SRSF4: variants seen among roughly 807,000 people sequenced by gnomAD.
SRSF4 encodes the protein serine and arginine rich splicing factor 4, also known as serine/arginine-rich splicing factor 4.
A neutral mutation model predicts 48.8 loss-of-function variants in SRSF4; 12 were observed. That is an observed-to-expected ratio of 0.25 (90% confidence interval 0.16 to 0.40). The LOEUF is 0.40. Among genes scored for constraint, SRSF4 ranks in the 10% least tolerant of loss-of-function variants. SRSF4 has a pLI of 1.00. For synonymous variants in SRSF4, 248 were observed against 232.5 expected (o/e 1.07, Z -0.61); for missense variants, 466 against 667.1 (o/e 0.70, Z 3.32).
At chr1:29,166,361 C>G (rs1672669171) in intron 1 of SRSF4, among the ~76,000 whole-genome samples, 1 of 152,220 alleles carries the variant, frequency 6.6e-6, no homozygotes, top group South Asian at 2.1e-4. Context: ...TAGAAAGACA[C>G]TTCTGCAACC....
At position 29,157,311 on chromosome 1, in the gene SRSF4, C is replaced by G. The variant is rs1042406735; in HGVS notation, c.363+2063G>C. Among the ~76,000 whole-genome samples the G allele has an allele frequency of 2.6e-5, 4 of 152,244 alleles. No homozygotes were observed. The East Asian group carries it at 5.8e-4, about 22-fold the overall frequency. On this transcript the variant is annotated intron_variant, in intron 3 of 5. Coordinates refer to ENST00000373795, the MANE Select transcript of SRSF4 (RefSeq NM_005626.5). The stretch of plus-strand genomic sequence containing the variant: ...CCATAAGCCTTTCCCCCAACAGTAA[C>G]TAAGCTCTGTTCTAACAAAAAAATT...
chr1:29,152,460 A>C (rs1290019222), intron 4 of SRSF4, among the ~76,000 whole-genome samples: 1 of 152,204 alleles, frequency 6.6e-6, no homozygotes, highest in Non-Finnish European at 1.5e-5. Flanking sequence ...GTGACTTCTC[A>C]CTACTCTTCC....
intron 1 of SRSF4, 130 bp from the exon 2 acceptor site, chr1:29,160,647 G>C: frequency 9.3e-7 from 1 of 1,070,490 alleles, no homozygotes; most frequent in Non-Finnish European, 1.3e-6. Flanking sequence ...GATCAACTTT[G>C]TCTTCTCTTC....
intron 4 of SRSF4, among the ~76,000 whole-genome samples, chr1:29,151,660 TA>T (rs1484481843): frequency 6.6e-6 from 1 of 152,084 alleles, no homozygotes; most frequent in Non-Finnish European, 1.5e-5. Flanking sequence ...ATCCATGGAG[TA>T]ACTGGGGAAA....
chr1:29,170,611 G>A, intron 1 of SRSF4: 1 of 152,014 alleles, frequency 6.6e-6, no homozygotes, highest in Non-Finnish European at 1.5e-5. Context: ...TTAATTAGTG[G>A]ATGCCACTAA....
chr1:29,175,890 TAG>T (rs1485066597), intron 1 of SRSF4, among the ~76,000 whole-genome samples: 1 of 152,086 alleles, frequency 6.6e-6, no homozygotes, highest in East Asian at 1.9e-4. Flanking sequence ...TTTCTTAACA[TAG>T]ACTCTAATGC....
intron 4 of SRSF4, among the ~76,000 whole-genome samples, chr1:29,152,930 A>C (rs1387742094): frequency 6.6e-6 from 1 of 151,482 alleles, no homozygotes; most frequent in Non-Finnish European, 1.5e-5. Context: ...CTCAAAAAAA[A>C]AAAAAGAAAG....
intron 1 of SRSF4, chr1:29,165,897 C>T (rs1672664261): frequency 6.6e-6 from 1 of 152,246 alleles, no homozygotes; most frequent in African/African-American, 2.4e-5. Context: ...CACCTTTGTC[C>T]TAAAACTGTG....
At chr1:29,162,602 C>A (rs115518839) in intron 1 of SRSF4, among the ~76,000 whole-genome samples, 1,671 of 152,280 alleles carry the variant, frequency 0.011, 36 homozygotes, top group African/African-American at 0.038. Context: ...GCTTTTGGCA[C>A]CATGTGAGAG....
intron 1 of SRSF4, chr1:29,171,064 A>AT (rs1672738529): frequency 6.6e-6 from 1 of 152,164 alleles, no homozygotes; most frequent in African/African-American, 2.4e-5. Flanking sequence ...TCAGGGTACT[A>AT]TAAGACCAGA....
chr1:29,154,153 T>G (rs1339121951), intron 4 of SRSF4, among the ~76,000 whole-genome samples: 1 of 152,010 alleles, frequency 6.6e-6, no homozygotes, highest in Non-Finnish European at 1.5e-5. Context: ...CCTACTGGGT[T>G]CAAGCAATTT....
intron 1 of SRSF4, chr1:29,168,363 T>TC (rs886824129): frequency 2.0e-5 from 3 of 152,272 alleles, no homozygotes; most frequent in African/African-American, 7.2e-5. Flanking sequence ...ATGCTTCTCT[T>TC]CCAGTCCTGT....
At chr1:29,150,266 T>TTATATA (rs1157384745) in intron 4 of SRSF4, 74 bp from the exon 5 acceptor site, 2 of 771,068 alleles carry the variant, frequency 2.6e-6, no homozygotes, top group South Asian at 5.3e-5. Context: ...ACTATATATA[T>TTATATA]TATATATATA....
At chr1:29,180,800 T>C (rs1478168320) in intron 1 of SRSF4, among the ~76,000 whole-genome samples, 1 of 152,204 alleles carries the variant, frequency 6.6e-6, no homozygotes, top group Non-Finnish European at 1.5e-5. Context: ...GCTGGCACTA[T>C]TTTTGCCGAA....
In SRSF4 at chr1:29,148,647, T is replaced by C. The variant is rs149954582; in HGVS notation, c.1248A>G (p.Glu416=). Residue 416 remains glutamate (E), a synonymous_variant, in exon 6 of 6, where the codon GAA becomes GAG. Transcript: ENST00000373795. ...TCTGGCTGGATTCAGACTTGGCATG[T>C]TCCCGCTCCTTTGACACGGAGCGGG... The part of the protein sequence containing the change: ...SPSRSVSKER[E]HAKSESSQRE... The C allele has an allele frequency of 6.2e-7, 1 of 1,614,166 alleles. No homozygotes were observed. The highest frequency in any genetic ancestry group is 1.1e-5 in the South Asian group (1 of 91,072).
chr1:29,181,505 G>A, intron 1 of SRSF4, 141 bp downstream of exon 1: 1 of 665,894 alleles, frequency 1.5e-6, no homozygotes, highest in Non-Finnish European at 2.3e-6. Flanking sequence ...CCGCGCCCCC[G>A]AGGCGCCGCC....
At position 29,148,971 on chromosome 1, in the gene SRSF4, T is replaced by C. The variant is rs367885190; in HGVS notation, c.924A>G (p.Arg308=). The C allele has an allele frequency of 7.4e-6, 12 of 1,612,290 alleles. No individual in the cohort carries two copies. Among genetic ancestry groups the C allele is most frequent in the African/African-American group, 1.3e-5 (1 of 74,244 alleles). ...SKSRSRSQER[R]VEEEKRGSVS... is the part of the protein sequence containing the mutation. Reference sequence around the variant, plus strand: ...CACTCCCTCGCTTCTCCTCCTCCACTCTCCTCTCCTGACTCCTGCTCCGAC... The same window carrying C: ...CACTCCCTCGCTTCTCCTCCTCCACCCTCCTCTCCTGACTCCTGCTCCGAC... Residue 308 remains arginine (R), a synonymous_variant, in exon 6 of 6, where the codon AGA becomes AGG. Transcript: ENST00000373795.
intron 1 of SRSF4, among the ~76,000 whole-genome samples, chr1:29,174,818 C>T (rs1672811913): frequency 6.6e-6 from 1 of 151,240 alleles, no homozygotes; most frequent in African/African-American, 2.4e-5. Flanking sequence ...GGACTACAGG[C>T]GTGCGCCATC....
At chr1:29,160,611 A>G in intron 1 of SRSF4, 94 bp from the exon 2 acceptor site, 1 of 1,413,782 alleles carries the variant, frequency 7.1e-7, no homozygotes, top group Non-Finnish European at 9.4e-7. Context: ...TGCTTAGCAA[A>G]GGTTAGGTGG....
Sources: gnomAD v4.1 joint callset for allele counts (sites outside exome capture counted in the v4.1 genomes callset) on GRCh38, gnomAD v4.1.1 for gene constraint, MANE v1.5 for transcripts, NCBI Gene and HGNC (gene_info 2026-07-23, HGNC 2026-07-21) for gene names.